HMBOX1: variants seen among roughly 807,000 people sequenced by gnomAD.
The protein encoded by HMBOX1 is homeobox containing 1, also known as homeobox-containing protein 1.
In HMBOX1, 14 loss-of-function variants were observed where a neutral mutation model predicts 54.5. The observed-to-expected ratio is 0.26, with a 90% CI of 0.17 to 0.40. The LOEUF is 0.40. HMBOX1 is among the 10% of genes least tolerant of loss of function. The pLI is 1.00. For synonymous variants in HMBOX1, 160 were observed against 181.0 expected, an observed-to-expected ratio of 0.88 and a Z score of 0.93; for missense variants, 332 against 514.4, an observed-to-expected ratio of 0.65 and a Z score of 3.43.
At chr8:28,975,908 C>T (rs1423569633) in intron 3 of HMBOX1, among the ~76,000 whole-genome samples, 1 of 151,960 alleles carries the variant, frequency 6.6e-6, no homozygotes, top group African/African-American at 2.4e-5. Flanking sequence ...TCATAGATTA[C>T]AATGAGGACA....
chr8:28,968,044 C>G (rs934636956), intron 2 of HMBOX1, among the ~76,000 whole-genome samples: 1 of 152,082 alleles, frequency 6.6e-6, no homozygotes, highest in Non-Finnish European at 1.5e-5. Flanking sequence ...AAAGATAAAA[C>G]AATCAGTGAA....
In HMBOX1 at chr8:28,970,494, G is replaced by C. The variant is rs1448699566; in HGVS notation, c.475G>C (p.Asp159His). 6.2e-7 allele frequency: 1 copy of C among 1,601,896 alleles called. No homozygotes were observed. The highest frequency in any genetic ancestry group is 1.3e-5 in the African/African-American group (1 of 74,728). Reference protein sequence around the residue: ...FEASEEDLDVDDKVEELMRRD... With the variant: ...FEASEEDLDVHDKVEELMRRD... ...AGCCTCAGAAGAGGACCTAGATGTA[G>C]ATGATAAAGTGGAAGAATTAATGAG... Residue 159 changes from aspartate to histidine, a missense_variant, in exon 3 of 10, where the codon GAT becomes CAT. Physicochemically the swap from Asp to His is moderately conservative, Grantham distance 81. This residue lies in a region of HMBOX1 where 117 missense variants were observed against 220.0 expected (regional missense o/e 0.53). Coordinates refer to ENST00000287701, the MANE Select transcript of HMBOX1 (RefSeq NM_001135726.3). The surrounding 1 kb of genome is among the most constrained non-coding windows in gnomAD (Gnocchi z 4.3).
At chr8:28,931,194 C>G (rs540241604) in intron 1 of HMBOX1, among the ~76,000 whole-genome samples, 25 of 152,254 alleles carry the variant, frequency 1.6e-4, no homozygotes, top group Admixed American at 1.4e-3. Context: ...GATTATTTTT[C>G]AACACCTAAT....
At chr8:28,936,155 C>T (rs865999779) in intron 1 of HMBOX1, among the ~76,000 whole-genome samples, 8 of 152,002 alleles carry the variant, frequency 5.3e-5, no homozygotes, top group South Asian at 2.1e-4. Context: ...CTGTAATTAT[C>T]TCCTAAGGGA....
intron 1 of HMBOX1, among the ~76,000 whole-genome samples, chr8:28,935,909 A>G (rs933984711): frequency 6.6e-6 from 1 of 151,856 alleles, no homozygotes; most frequent in Non-Finnish European, 1.5e-5. Context: ...GTGTTTTGTT[A>G]TTTTCTCTGA....
At chr8:29,042,917 C>A (rs1167148118) in intron 6 of HMBOX1, among the ~76,000 whole-genome samples, 1 of 152,064 alleles carries the variant, frequency 6.6e-6, no homozygotes, top group Admixed American at 6.6e-5. Context: ...GAAGAACAAA[C>A]TATTTTGAAG....
At chr8:28,902,178 G>A (rs541299257) in intron 1 of HMBOX1, among the ~76,000 whole-genome samples, 1 of 152,272 alleles carries the variant, frequency 6.6e-6, no homozygotes, top group South Asian at 2.1e-4. Context: ...GGGGGCAGGG[G>A]TGAGGGGACT....
intron 1 of HMBOX1, among the ~76,000 whole-genome samples, chr8:28,951,196 G>A (rs566276664): frequency 7.9e-5 from 12 of 152,276 alleles, no homozygotes; most frequent in African/African-American, 2.6e-4. Context: ...GCAGTGGCAC[G>A]TTCTCAGCTC....
intron 6 of HMBOX1, among the ~76,000 whole-genome samples, chr8:29,032,817 C>T (rs1803211557): frequency 6.6e-6 from 1 of 152,128 alleles, no homozygotes; most frequent in Non-Finnish European, 1.5e-5. Flanking sequence ...AATATTACCA[C>T]CCTCTTTCCC....
chr8:28,904,910 C>T (rs534934560), intron 1 of HMBOX1, among the ~76,000 whole-genome samples: 11 of 151,960 alleles, frequency 7.2e-5, no homozygotes, highest in Non-Finnish European at 1.2e-4. Flanking sequence ...CTCCTGACCT[C>T]GTGATCCACC....
At chr8:29,043,187 A>G (rs1805094576) in intron 6 of HMBOX1, among the ~76,000 whole-genome samples, 1 of 152,208 alleles carries the variant, frequency 6.6e-6, no homozygotes, top group African/African-American at 2.4e-5. Context: ...GCTTTGTACA[A>G]GCCCCATGTT....
intron 1 of HMBOX1, among the ~76,000 whole-genome samples, chr8:28,948,570 C>T (rs1413571283): frequency 6.6e-6 from 1 of 152,156 alleles, no homozygotes; most frequent in Non-Finnish European, 1.5e-5. Flanking sequence ...CAATTCTGAA[C>T]TCTTAACAAA....
intron 9 of HMBOX1, chr8:29,049,309 A>T: frequency 6.5e-7 from 1 of 1,536,214 alleles, no homozygotes; most frequent in Non-Finnish European, 8.7e-7. Flanking sequence ...CAAGTACGCA[A>T]TGGGGAGGAG....
At chr8:29,045,149 T>C (rs554628111) in intron 6 of HMBOX1, among the ~76,000 whole-genome samples, 1 of 152,340 alleles carries the variant, frequency 6.6e-6, no homozygotes, top group Non-Finnish European at 1.5e-5. Flanking sequence ...GACATTAGCC[T>C]CCTTTCAAGT....
chr8:28,989,223 G>A (rs1467225605), intron 4 of HMBOX1, among the ~76,000 whole-genome samples: 1 of 151,744 alleles, frequency 6.6e-6, no homozygotes, highest in African/African-American at 2.4e-5. Context: ...GGTGAGCCGA[G>A]ATTGTGCCGT....
chr8:29,023,022 T>TA (rs1258405580), intron 6 of HMBOX1, among the ~76,000 whole-genome samples: 2 of 152,054 alleles, frequency 1.3e-5, no homozygotes, highest in African/African-American at 4.8e-5. Flanking sequence ...AGCTTAAGAA[T>TA]AAAAAGAAAC....
intron 1 of HMBOX1, among the ~76,000 whole-genome samples, chr8:28,949,166 T>C (rs1822979765): frequency 6.6e-6 from 1 of 152,212 alleles, no homozygotes; most frequent in Non-Finnish European, 1.5e-5. Flanking sequence ...TTAAAATTAT[T>C]TATGATGATG....
intron 1 of HMBOX1, among the ~76,000 whole-genome samples, chr8:28,895,511 C>T (rs963108918): frequency 2.0e-5 from 3 of 152,020 alleles, no homozygotes; most frequent in Non-Finnish European, 2.9e-5. Context: ...CTTGTCTCTA[C>T]TGAAAAGACA....
chr8:28,970,315 C>T lies in HMBOX1; in HGVS notation c.296C>T (p.Pro99Leu), dbSNP rs765469027. 1.4e-5 allele frequency: 22 copies of T among 1,614,038 alleles called. No individual in the cohort carries two copies. The highest frequency in any genetic ancestry group is 1.6e-5 in the Non-Finnish European group (19 of 1,180,030). ...CAGACGCAGCATTCGGGAATGTCCC[C>T]GTCACCTAGCAACAGTTATGATACT... ...STQTQHSGMS[P>L]SPSNSYDTSP... Residue 99 changes from proline to leucine, a missense_variant, in exon 3 of 10, where the codon CCG (proline) becomes CTG (leucine). Pro to Leu is a moderately conservative substitution (Grantham distance 98). Transcript: ENST00000287701. The surrounding 1 kb of genome is among the most constrained non-coding windows in gnomAD (Gnocchi z 4.3).
Sources: allele counts gnomAD v4.1 joint callset (sites outside exome capture counted in the v4.1 genomes callset), GRCh38; gene constraint gnomAD v4.1.1; regional missense constraint gnomAD v4.1.1; non-coding constraint Gnocchi (gnomAD v3.1); transcripts MANE v1.5; gene names NCBI Gene and HGNC (gene_info 2026-07-23, HGNC 2026-07-21).